Variants in ARHGEF10L observed in about 807,000 individuals in gnomAD.
ARHGEF10L encodes Rho guanine nucleotide exchange factor 10 like.
In ARHGEF10L, 69 loss-of-function variants were observed where a neutral mutation model predicts 141.2. The ratio of observed to expected loss-of-function variants is 0.49; its 90% CI spans 0.40 to 0.60. The LOEUF is 0.60. ARHGEF10L is among the 20% of genes least tolerant of loss of function. ARHGEF10L has a pLI of 0.00. For missense variants in ARHGEF10L, 1,482 were observed against 1,734.3 expected, an observed-to-expected ratio of 0.85 and a Z score of 2.58; for synonymous variants, 711 against 718.5, an observed-to-expected ratio of 0.99 and a Z score of 0.17.
At chr1:17,596,002 G>A (rs1349106967) in intron 4 of ARHGEF10L, among the ~76,000 whole-genome samples, 3 of 152,190 alleles carry the variant, frequency 2.0e-5, no homozygotes. Context: ...CCAAGTGGCT[G>A]AGCCACAGTC....
chr1:17,603,580 C>T lies in ARHGEF10L; in HGVS notation c.422C>T (p.Ala141Val), dbSNP rs201428137. ...GACGTCCCCTGCGAGAGCCCAGATG[C>T]GCATCAGCCCGGTATGATGTCTGCA... ...YDDVPCESPD[A>V]HQPGAERNLL... The change falls in exon 6 of 29, where the codon GCG becomes GTG. Residue 141 changes from alanine to valine, a missense_variant. Transcript: ENST00000361221. The surrounding 1 kb of genome is among the most constrained non-coding windows in gnomAD (Gnocchi z 4.8). The T allele has an allele frequency of 4.8e-5, 77 of 1,612,434 alleles. 1 individual carries two copies. Among genetic ancestry groups the T allele is most frequent in the Non-Finnish European group, 5.7e-5 (67 of 1,179,316 alleles).
At chr1:17,543,029 T>C (rs2477737) in intron 1 of ARHGEF10L, among the ~76,000 whole-genome samples, 12,200 of 152,248 alleles carry the variant, frequency 0.08, 560 homozygotes, top group African/African-American at 0.11. Context: ...TTCCGCCCCA[T>C]GGTGCCACCT....
chr1:17,690,983 C>A (rs1466118166), intron 27 of ARHGEF10L: 3 of 311,056 alleles, frequency 9.6e-6, no homozygotes, highest in African/African-American at 4.5e-5. Context: ...TAAATTTGTT[C>A]CTACACTAAG....
At position 17,609,048 on chromosome 1, in the gene ARHGEF10L, G is replaced by T. The variant is rs1385109263; in HGVS notation, c.609+1071G>T. Among the ~76,000 whole-genome samples, 3 of 152,240 alleles carry T rather than the reference G, an allele frequency of 2.0e-5. No homozygotes were observed. In the East Asian group the frequency reaches 5.8e-4, roughly 29 times the overall value. On this transcript the variant is annotated intron_variant, in intron 7 of 28. Transcript: ENST00000361221. Reference sequence around the variant, plus strand: ...TCCACCTGCCTCGGCCTCCTAAAGTGCTGGGATTACAGGTGTGAGCCACCA... The same window carrying T: ...TCCACCTGCCTCGGCCTCCTAAAGTTCTGGGATTACAGGTGTGAGCCACCA...
In ARHGEF10L at chr1:17,602,216, G is replaced by A. The variant is rs779431186; in HGVS notation, c.347G>A (p.Arg116His). The A allele has an allele frequency of 6.4e-6, 10 of 1,566,976 alleles. No homozygotes were observed. The highest frequency in any genetic ancestry group is 1.7e-4 in the Middle Eastern group (1 of 6,030). ...AGCTGGAAGCGGAAGAGTTCCCGTC[G>A]CAGTAAGTCTCCCCTCCGGCCCACC... The part of the protein sequence containing the change: ...HSSWKRKSSR[R>H]IDRFTFPALE... The change falls in exon 5 of 29, where the codon CGC becomes CAC. Residue 116 changes from arginine (R) to histidine (H), a missense_variant and splice_region_variant. This residue lies in a region of ARHGEF10L where 232 missense variants were observed against 225.9 expected (regional missense o/e 1.03). Transcript: ENST00000361221.
intron 21 of ARHGEF10L, among the ~76,000 whole-genome samples, chr1:17,642,575 G>A (rs1166364082): frequency 1.3e-5 from 2 of 152,168 alleles, no homozygotes; most frequent in African/African-American, 2.4e-5. Context: ...GTGGGAGCAG[G>A]AATGGGGAGG....
intron 25 of ARHGEF10L, among the ~76,000 whole-genome samples, chr1:17,662,484 G>A (rs1295463846): frequency 1.3e-5 from 2 of 152,178 alleles, no homozygotes; most frequent in Non-Finnish European, 2.9e-5. Context: ...GCTTCCCTTG[G>A]TGCTCACGCT....
At chr1:17,593,642 G>A (rs1489263362) in intron 4 of ARHGEF10L, among the ~76,000 whole-genome samples, 1 of 152,122 alleles carries the variant, frequency 6.6e-6, no homozygotes, top group East Asian at 1.9e-4. Context: ...AGCTGCCCCT[G>A]CTGAAACCTC....
upstream of ARHGEF10L, among the ~76,000 whole-genome samples, chr1:17,537,854 C>CAAAAAAAAAAAAAAAAAAAA (rs10611023): frequency 2.0e-4 from 16 of 79,800 alleles, no homozygotes; most frequent in East Asian, 3.7e-4. Context: ...ACCATCTCTA[C>CAAAAAAAAAAAAAAAAAAAA]AAAAAAAAAA....
chr1:17,696,090 G>A (rs1023111327), intron 28 of ARHGEF10L, among the ~76,000 whole-genome samples: 1 of 151,830 alleles, frequency 6.6e-6, no homozygotes, highest in East Asian at 1.9e-4. Flanking sequence ...GTGTGCGCCT[G>A]TAATCCCAGT....
intron 1 of ARHGEF10L, among the ~76,000 whole-genome samples, chr1:17,557,272 G>C (rs1206272828): frequency 6.6e-6 from 1 of 151,822 alleles, no homozygotes; most frequent in African/African-American, 2.4e-5. Context: ...GAACCCAGGA[G>C]GGGGAGGTTG....
chr1:17,583,580 G>T (rs1052620963), intron 2 of ARHGEF10L, among the ~76,000 whole-genome samples: 1 of 152,112 alleles, frequency 6.6e-6, no homozygotes, highest in Admixed American at 6.6e-5. Flanking sequence ...CTAGGAGGGG[G>T]TCAAATAACC....
intron 16 of ARHGEF10L, 92 bp downstream of exon 16, chr1:17,632,558 G>A (rs932077701): frequency 1.2e-5 from 18 of 1,537,394 alleles, no homozygotes; most frequent in Non-Finnish European, 1.6e-5. Context: ...CACTACAGTG[G>A]GACCCCATGT....
intron 4 of ARHGEF10L, among the ~76,000 whole-genome samples, chr1:17,593,156 C>A (rs560024183): frequency 1.3e-5 from 2 of 152,196 alleles, no homozygotes; most frequent in Non-Finnish European, 2.9e-5. Flanking sequence ...TTCAAGGAAT[C>A]CTGTGACGTT....
At chr1:17,641,531 G>T (rs1571188072) in intron 21 of ARHGEF10L, among the ~76,000 whole-genome samples, 2 of 152,046 alleles carry the variant, frequency 1.3e-5, no homozygotes, top group East Asian at 3.9e-4. Flanking sequence ...GCCAAAGCAG[G>T]AGAATTGCTT....
At chr1:17,676,992 G>A (rs577635162) in intron 26 of ARHGEF10L, among the ~76,000 whole-genome samples, 11 of 152,046 alleles carry the variant, frequency 7.2e-5, no homozygotes, top group South Asian at 2.1e-4. Flanking sequence ...GCATCGGGCC[G>A]TAAACAGGAC....
At chr1:17,596,103 G>C (rs1299912600) in intron 4 of ARHGEF10L, among the ~76,000 whole-genome samples, 1 of 152,224 alleles carries the variant, frequency 6.6e-6, no homozygotes, top group Non-Finnish European at 1.5e-5. Context: ...GCTGCAGCCT[G>C]CAGGGAGCTT....
At chr1:17,682,027 C>G (rs2064166106) in intron 26 of ARHGEF10L, among the ~76,000 whole-genome samples, 1 of 152,030 alleles carries the variant, frequency 6.6e-6, no homozygotes, top group Admixed American at 6.5e-5. Flanking sequence ...TCAGGACCAT[C>G]ATTATTATTT....
chr1:17,553,049 G>A (rs35367249), intron 1 of ARHGEF10L, among the ~76,000 whole-genome samples: 3,080 of 152,328 alleles, frequency 0.02, 56 homozygotes, highest in East Asian at 0.084. Flanking sequence ...AAGACTTGGA[G>A]CTCCAGTGGG....
Sources: allele counts gnomAD v4.1 joint callset (sites outside exome capture counted in the v4.1 genomes callset), GRCh38; gene constraint gnomAD v4.1.1; regional missense constraint gnomAD v4.1.1; non-coding constraint Gnocchi (gnomAD v3.1); transcripts MANE v1.5; gene names NCBI Gene and HGNC (gene_info 2026-07-23, HGNC 2026-07-21).